The following METTL21C variants were observed in gnomAD, a reference collection of about 807,000 sequenced individuals.
METTL21C encodes protein-lysine methyltransferase METTL21C.
In METTL21C, 21 loss-of-function variants were observed where a neutral mutation model predicts 25.9. The ratio of observed to expected loss-of-function variants is 0.81; its 90% CI spans 0.58 to 1.17. The LOEUF is 1.17. Ranked by LOEUF, METTL21C falls within the 50% of genes most tolerant of loss-of-function variation. The probability of loss-of-function intolerance (pLI) is 0.00; values close to 1 mark genes in which losing one functional copy is unlikely to be tolerated. For synonymous variants in METTL21C, 125 were observed against 124.7 expected (o/e 1.00, Z -0.01); for missense variants, 312 against 315.1 (o/e 0.99, Z 0.07).
At chr13:102,701,583 A>G in the METTL21C span, among the ~76,000 whole-genome samples, 1 of 152,042 alleles carries the variant, frequency 6.6e-6, no homozygotes, top group African/African-American at 2.4e-5. Context: ...GTTTGTTATC[A>G]CACATACTTC....
chr13:102,695,016 C>G lies in METTL21C; in HGVS notation c.-518G>C, dbSNP rs909031721. On this transcript the variant is annotated 5_prime_UTR_variant, in exon 1 of 4. Transcript: ENST00000267273. ...AGAACAGAGGCTGCCCCTGTGGCAT[C>G]CAGTTGCTGCGATGTGGTTCGAAAC... is the stretch of plus-strand genomic sequence containing the variant. 2.0e-5 allele frequency among the ~76,000 whole-genome samples: 3 copies of G among 151,992 alleles called. No individual in the cohort carries two copies. The highest frequency in any genetic ancestry group is 2.9e-5 in the Non-Finnish European group (2 of 68,016).
At chr13:102,688,809 T>C (rs1349300277) in intron 2 of METTL21C, among the ~76,000 whole-genome samples, 1 of 152,094 alleles carries the variant, frequency 6.6e-6, no homozygotes. Flanking sequence ...CCGCAGGGTG[T>C]CATGCGGAGA....
At chr13:102,687,534 G>A (rs979599935) in intron 2 of METTL21C, among the ~76,000 whole-genome samples, 2 of 152,170 alleles carry the variant, frequency 1.3e-5, no homozygotes, top group African/African-American at 4.8e-5. Context: ...CAAAATTCAG[G>A]TTGGCGAGCA....
At chr13:102,695,599 G>A (rs1885934434), upstream of METTL21C, among the ~76,000 whole-genome samples, 3 of 152,132 alleles carry the variant, frequency 2.0e-5, no homozygotes. Context: ...CTCGGTACTC[G>A]TTTCTCTGGT....
chr13:102,688,363 G>C (rs895135497), intron 2 of METTL21C, among the ~76,000 whole-genome samples: 1 of 152,200 alleles, frequency 6.6e-6, no homozygotes, highest in African/African-American at 2.4e-5. Flanking sequence ...ACTCAGTGGT[G>C]GGGCTTAGGG....
Position 102,685,839 on chromosome 13 carries a change from T to C in METTL21C, c.*192A>G. Reference sequence around the variant, plus strand: ...TTTTATGTTGTTCTTTTTAGATATTTAGATTAACCAGATAATCTTAAATTA... The same window carrying C: ...TTTTATGTTGTTCTTTTTAGATATTCAGATTAACCAGATAATCTTAAATTA... On this transcript the variant is annotated 3_prime_UTR_variant, in exon 4 of 4. Coordinates refer to ENST00000267273, the MANE Select transcript of METTL21C (RefSeq NM_001010977.3). 1 of 539,590 alleles carries C rather than the reference T, an allele frequency of 1.9e-6. No individual in the cohort carries two copies. The highest frequency in any genetic ancestry group is 3.1e-6 in the Non-Finnish European group (1 of 323,288). The allele number at this position is 539,590 out of a possible 1,614,324, so 33.4% of individuals were successfully genotyped here.
At chr13:102,690,266 C>T (rs994210696) in intron 2 of METTL21C, among the ~76,000 whole-genome samples, 1 of 151,930 alleles carries the variant, frequency 6.6e-6, no homozygotes, top group African/African-American at 2.4e-5. Context: ...ACTAAAAATA[C>T]AAAAATTAGC....
At chr13:102,689,352 G>C (rs1885768323) in intron 2 of METTL21C, among the ~76,000 whole-genome samples, 1 of 152,196 alleles carries the variant, frequency 6.6e-6, no homozygotes, top group South Asian at 2.1e-4. Context: ...GCAAAGAAAA[G>C]CCTTTAGTTG....
rs138041652 is a variant in METTL21C, at chr13:102,686,371, T to A, written c.455A>T (p.Asn152Ile). The change falls in exon 4 of 4, where the codon AAT becomes ATT. Residue 152 changes from asparagine (N) to isoleucine (I), a missense_variant. Asn to Ile is a moderately radical substitution (Grantham distance 149). Transcript: ENST00000267273. ...LPDVLGNLQY[N>I]LLKNTLQCTA... The stretch of plus-strand genomic sequence containing the variant: ...ACATTGTAGTGTGTTTTTTAAAAGA[T>A]TGTATTGAAGGTTTCCCAGGACATC... The A allele has an allele frequency of 1.6e-5, 26 of 1,614,010 alleles. No homozygotes were observed. In the East Asian group the frequency reaches 5.3e-4, roughly 33 times the overall value.
chr13:102,690,757 G>A (rs1269937686), intron 2 of METTL21C, 56 bp downstream of exon 2: 5 of 1,585,916 alleles, frequency 3.2e-6, no homozygotes, highest in African/African-American at 1.4e-5. Flanking sequence ...CAACTCTGAA[G>A]TACGGAATTG....
the METTL21C span, among the ~76,000 whole-genome samples, chr13:102,702,589 ATT>A: frequency 2.0e-3 from 300 of 146,392 alleles, 1 homozygote; most frequent in African/African-American, 6.3e-3. Context: ...CAAAAACAGG[ATT>A]TTTTTTTTTT....
chr13:102,690,658 A>C (rs1278424483), intron 2 of METTL21C, among the ~76,000 whole-genome samples, 155 bp downstream of exon 2: 2 of 151,570 alleles, frequency 1.3e-5, no homozygotes, highest in South Asian at 2.1e-4. Context: ...TGCTGATCCC[A>C]AGCACTCCAC....
chr13:102,698,214 T>C (rs4772498), upstream of METTL21C, among the ~76,000 whole-genome samples: 45,293 of 152,080 alleles, frequency 0.3, 7,924 homozygotes, highest in East Asian at 0.46. Context: ...TCCACAGGGT[T>C]CTTTGGAAGG....
upstream of METTL21C, among the ~76,000 whole-genome samples, chr13:102,699,005 G>A (rs963719246): frequency 5.9e-5 from 9 of 152,086 alleles, no homozygotes; most frequent in South Asian, 6.2e-4. Context: ...CAATGTCTAG[G>A]GAAAAAGATT....
the METTL21C span, among the ~76,000 whole-genome samples, chr13:102,701,253 G>A: frequency 4.6e-5 from 7 of 152,102 alleles, no homozygotes; most frequent in South Asian, 1.5e-3. Flanking sequence ...TGGAAGCTGA[G>A]CCCTCCCCCT....
chr13:102,701,298 T>C, the METTL21C span, among the ~76,000 whole-genome samples: 1 of 152,118 alleles, frequency 6.6e-6, no homozygotes, highest in Non-Finnish European at 1.5e-5. Context: ...CCTCTTCAGC[T>C]CTGGGGTTCT....
intron 2 of METTL21C, among the ~76,000 whole-genome samples, chr13:102,689,430 T>A (rs978669182): frequency 1.3e-5 from 2 of 152,252 alleles, no homozygotes; most frequent in African/African-American, 4.8e-5. Flanking sequence ...GGTCGACACC[T>A]AAGAGCCTGA....
intron 1 of METTL21C, among the ~76,000 whole-genome samples, chr13:102,693,147 C>T (rs952896697): frequency 1.3e-5 from 2 of 151,844 alleles, no homozygotes; most frequent in African/African-American, 2.4e-5. Context: ...GTGTTCCTAC[C>T]GTACAGACAC....
chr13:102,694,307 A>C, intron 1 of METTL21C, 62 bp downstream of exon 1: 1 of 1,550,218 alleles, frequency 6.5e-7, no homozygotes, highest in Non-Finnish European at 8.8e-7. Context: ...AATTTACTTG[A>C]AGATGTCATC....
Sources: gnomAD v4.1 joint callset for allele counts (sites outside exome capture counted in the v4.1 genomes callset) on GRCh38, gnomAD v4.1.1 for gene constraint, MANE v1.5 for transcripts, NCBI Gene and HGNC (gene_info 2026-07-23, HGNC 2026-07-21) for gene names.